SPATS2L: variants seen among roughly 807,000 people sequenced by gnomAD.
SPATS2L encodes SPATS2-like protein.
SPATS2L carries 30 observed loss-of-function variants against 59.6 expected under a neutral mutation model. That is an observed-to-expected ratio of 0.50 (90% CI 0.38 to 0.68). The LOEUF (loss-of-function observed/expected upper bound fraction) is 0.68, where lower values mean the gene tolerates loss of function less well. SPATS2L is among the 30% of genes least tolerant of loss of function. The pLI is 0.00. For synonymous variants in SPATS2L, 252 were observed against 263.5 expected (o/e 0.96, Z 0.42); for missense variants, 615 against 700.0 (o/e 0.88, Z 1.37).
rs550809601 is a variant in SPATS2L, at chr2:200,372,625, T to G, written c.-22-16598T>G. ...GAATACTAAGATGTTGCAACTGGAA[T>G]GAACCCTCTAAATAATTTTTAAGCT... On this transcript the variant is annotated intron_variant, in intron 2 of 12. Transcript: ENST00000409140. Among the ~76,000 whole-genome samples the G allele has an allele frequency of 3.9e-5, 6 of 152,206 alleles. No individual in the cohort carries two copies. The East Asian group carries it at 9.6e-4, about 24-fold the overall frequency.
chr2:200,363,892 C>G (rs1235304743), intron 2 of SPATS2L, among the ~76,000 whole-genome samples: 1 of 152,170 alleles, frequency 6.6e-6, no homozygotes, highest in Non-Finnish European at 1.5e-5. Context: ...GGTGGAAGAT[C>G]AACAACAGGC....
intron 2 of SPATS2L, among the ~76,000 whole-genome samples, chr2:200,352,186 T>C (rs1014369486): frequency 4.5e-4 from 69 of 151,954 alleles, no homozygotes; most frequent in African/African-American, 1.6e-3. Flanking sequence ...TCTTTTCTTG[T>C]GTGAACAAAA....
rs1200239961 is a variant in SPATS2L, at chr2:200,332,792, G to GTGTA, written c.-23+3322_-23+3325dup. Among the ~76,000 whole-genome samples the GTGTA allele has an allele frequency of 1.5e-4, 23 of 149,652 alleles. 1 individual carries two copies. In the East Asian group the frequency reaches 4.1e-3, roughly 27 times the overall value. On this transcript the variant is annotated intron_variant, in intron 2 of 12. Coordinates refer to ENST00000409140, the MANE Select transcript of SPATS2L (RefSeq NM_001100423.2). ...GCTGCCTGTGTGTGTGTGTGTGTGT[G>GTGTA]TGTATGTATGTATCTATGTATTCTA...
chr2:200,396,586 T>C (rs992708845), intron 3 of SPATS2L, among the ~76,000 whole-genome samples: 16 of 152,148 alleles, frequency 1.1e-4, no homozygotes, highest in African/African-American at 3.6e-4. Context: ...TTATGTGGGG[T>C]GGAGTATGGT....
At chr2:200,326,552 T>G (rs2079750560) in intron 1 of SPATS2L, among the ~76,000 whole-genome samples, 2 of 152,208 alleles carry the variant, frequency 1.3e-5, no homozygotes, top group African/African-American at 4.8e-5. Context: ...TTGAGGTTTA[T>G]GCATGTATTC....
intron 9 of SPATS2L, among the ~76,000 whole-genome samples, chr2:200,465,563 GA>G (rs1472254359): frequency 6.6e-6 from 1 of 152,126 alleles, no homozygotes; most frequent in Non-Finnish European, 1.5e-5. Flanking sequence ...TCTGTATTCA[GA>G]AAGACTATTA....
rs1559115117 is a variant in SPATS2L at position 200,419,475 on chromosome 2, A to G, written c.424A>G (p.Lys142Glu). The change falls in exon 6 of 13, where the codon AAG becomes GAG. Residue 142 changes from lysine (K) to glutamate (E), a missense_variant. Physicochemically the swap from Lys to Glu is moderately conservative, Grantham distance 56. This residue lies in a region of SPATS2L where 227 missense variants were observed against 257.4 expected (regional missense o/e 0.88). Coordinates refer to ENST00000409140, the MANE Select transcript of SPATS2L (RefSeq NM_001100423.2). ...GATCTCGATACTTGAGGAACCTTCA[A>G]AGGCACTTCGTGGGGTCACAGGTCA... ...KKISILEEPS[K>E]ALRGVTEGNR... The G allele has an allele frequency of 3.1e-6, 5 of 1,613,922 alleles. No homozygotes were observed. The highest frequency in any genetic ancestry group is 2.2e-5 in the East Asian group (1 of 44,850).
intron 2 of SPATS2L, among the ~76,000 whole-genome samples, chr2:200,384,766 C>A (rs1460906034): frequency 6.6e-6 from 1 of 152,144 alleles, no homozygotes; most frequent in Non-Finnish European, 1.5e-5. Context: ...TTTCCTTGAT[C>A]TCTATTTTTC....
chr2:200,443,629 C>G (rs571210149), intron 8 of SPATS2L, among the ~76,000 whole-genome samples: 7 of 152,310 alleles, frequency 4.6e-5, no homozygotes, highest in African/African-American at 1.7e-4. Context: ...AAGTACTCAA[C>G]AAGCATTTCG....
At chr2:200,334,992 G>A (rs1157949097) in intron 2 of SPATS2L, among the ~76,000 whole-genome samples, 1 of 152,154 alleles carries the variant, frequency 6.6e-6, no homozygotes, top group African/African-American at 2.4e-5. Context: ...ACTTGGCGAT[G>A]CAGGCTCTTT....
rs926006058 is a variant in SPATS2L, at chr2:200,479,796, C to T, written c.*1765C>T. ...CCTGAGCAGCTGAGCCTGCAAGCCA[C>T]GCAAGCATCTGTTTCTTCTTTTGCC... On this transcript the variant is annotated 3_prime_UTR_variant, in exon 13 of 13. Coordinates refer to ENST00000409140, the MANE Select transcript of SPATS2L (RefSeq NM_001100423.2). 8 of 398,538 alleles carry T rather than the reference C, an allele frequency of 2.0e-5. No homozygotes were observed. The highest frequency in any genetic ancestry group is 3.1e-5 in the Non-Finnish European group (7 of 226,114). 24.7% of individuals were successfully genotyped at this position (398,538 alleles called of 1,614,324 possible).
At chr2:200,407,607 T>C (rs2105974780) in intron 3 of SPATS2L, among the ~76,000 whole-genome samples, 1 of 152,330 alleles carries the variant, frequency 6.6e-6, no homozygotes, top group Middle Eastern at 3.4e-3. Flanking sequence ...GCAGTTACTG[T>C]GCTTTTTCAT....
chr2:200,473,625 G>C (rs2087252289), intron 12 of SPATS2L, among the ~76,000 whole-genome samples: 1 of 152,166 alleles, frequency 6.6e-6, no homozygotes, highest in South Asian at 2.1e-4. Flanking sequence ...AGTGTCCAAA[G>C]AACCATCTTC....
chr2:200,326,500 A>AT (rs35247484), intron 1 of SPATS2L, among the ~76,000 whole-genome samples: 1 of 152,124 alleles, frequency 6.6e-6, no homozygotes. Flanking sequence ...CCAAATGAGC[A>AT]TTTTTCCTCA....
intron 1 of SPATS2L, among the ~76,000 whole-genome samples, chr2:200,317,220 G>A (rs946560845): frequency 6.6e-6 from 1 of 152,202 alleles, no homozygotes; most frequent in Non-Finnish European, 1.5e-5. Context: ...AGAAAAAGAG[G>A]ACGGGCTTTG....
At chr2:200,423,915 G>A (rs1413023246) in intron 6 of SPATS2L, among the ~76,000 whole-genome samples, 4 of 152,182 alleles carry the variant, frequency 2.6e-5, no homozygotes, top group African/African-American at 9.7e-5. Flanking sequence ...TTAGCTTTAA[G>A]ATATATGCAG....
chr2:200,363,124 A>C (rs563076363), intron 2 of SPATS2L, among the ~76,000 whole-genome samples: 1 of 152,172 alleles, frequency 6.6e-6, no homozygotes, highest in African/African-American at 2.4e-5. Context: ...TGAAAGGGGC[A>C]GTAATGTATG....
chr2:200,392,436 C>G (rs1404256027), intron 3 of SPATS2L, among the ~76,000 whole-genome samples: 1 of 152,192 alleles, frequency 6.6e-6, no homozygotes, highest in Non-Finnish European at 1.5e-5. Flanking sequence ...TATCTCTTCT[C>G]TCTTGTGTTC....
chr2:200,307,121 C>G (rs1488892340), intron 1 of SPATS2L, among the ~76,000 whole-genome samples, 199 bp downstream of exon 1: 2 of 151,044 alleles, frequency 1.3e-5, no homozygotes, highest in Non-Finnish European at 3.0e-5. Flanking sequence ...GCGGACCGGA[C>G]GCGAAGGTCG....
Sources: allele counts gnomAD v4.1 joint callset (sites outside exome capture counted in the v4.1 genomes callset), GRCh38; gene constraint gnomAD v4.1.1; regional missense constraint gnomAD v4.1.1; transcripts MANE v1.5; gene names NCBI Gene and HGNC (gene_info 2026-07-23, HGNC 2026-07-21).